LDAH: variants seen among roughly 807,000 people sequenced by gnomAD.
The protein encoded by LDAH is lipid droplet associated hydrolase.
In LDAH, 26 loss-of-function variants were observed where a neutral mutation model predicts 29.6. The ratio of observed to expected loss-of-function variants is 0.88; its 90% confidence interval spans 0.64 to 1.22. The LOEUF is 1.22. Ranked by LOEUF, LDAH falls within the 50% of genes most tolerant of loss-of-function variation. The probability of loss-of-function intolerance (pLI) is 0.00; values close to 1 mark genes in which losing one functional copy is unlikely to be tolerated. For synonymous variants in LDAH, 117 were observed against 133.0 expected (o/e 0.88, Z 0.83); for missense variants, 344 against 387.3 (o/e 0.89, Z 0.94).
At chr2:20,808,103 C>G (rs1231726958) in intron 1 of LDAH, among the ~76,000 whole-genome samples, 1 of 152,014 alleles carries the variant, frequency 6.6e-6, no homozygotes, top group African/African-American at 2.4e-5. Flanking sequence ...TCAAAAAAAT[C>G]AAATACTTAG....
intron 6 of LDAH, among the ~76,000 whole-genome samples, chr2:20,692,668 A>C (rs534413492): frequency 1.2e-4 from 19 of 152,322 alleles, no homozygotes; most frequent in African/African-American, 4.1e-4. Flanking sequence ...TTTAAATCAT[A>C]ATTCACCACG....
At chr2:20,778,855 T>C (rs79800183) in intron 3 of LDAH, among the ~76,000 whole-genome samples, 2,290 of 152,262 alleles carry the variant, frequency 0.015, 31 homozygotes, top group Middle Eastern at 0.054. Flanking sequence ...TATAAATGTA[T>C]ACATTTAACT....
At position 20,733,814 on chromosome 2, in the gene LDAH, C is replaced by T. The variant is rs151318825; in HGVS notation, c.703+6157G>A. Among the ~76,000 whole-genome samples the T allele has an allele frequency of 1.8e-4, 28 of 152,248 alleles. 1 individual carries two copies. In the East Asian group the frequency reaches 5.2e-3, roughly 28 times the overall value. ...TCAGACTCCCAAAGTGCTAGGATTA[C>T]AGTTGTGAGCTATAGTTTTATTAAT... On this transcript the variant is annotated intron_variant, in intron 5 of 6. Transcript: ENST00000237822.
chr2:20,797,827 A>G (rs555690066), intron 2 of LDAH, among the ~76,000 whole-genome samples: 33 of 151,874 alleles, frequency 2.2e-4, no homozygotes, highest in African/African-American at 8.0e-4. Context: ...TGAGACTACA[A>G]AAAAGAAAAG....
intron 2 of LDAH, among the ~76,000 whole-genome samples, chr2:20,791,561 T>C (rs1670951496): frequency 6.6e-6 from 1 of 152,246 alleles, no homozygotes; most frequent in African/African-American, 2.4e-5. Flanking sequence ...CTTTTTGTGA[T>C]GGTGCTTTTG....
At chr2:20,768,289 C>T (rs1045241473) in intron 4 of LDAH, among the ~76,000 whole-genome samples, 1 of 152,196 alleles carries the variant, frequency 6.6e-6, no homozygotes, top group African/African-American at 2.4e-5. Flanking sequence ...GACCTGGGAG[C>T]TCCCTGAGCC....
At chr2:20,815,111 C>A in intron 1 of LDAH, among the ~76,000 whole-genome samples, 1 of 151,684 alleles carries the variant, frequency 6.6e-6, no homozygotes. Context: ...AAGTAAGAAC[C>A]AAAAATAATT....
chr2:20,683,871 A>G (rs1662383973), downstream of LDAH: 1 of 147,528 alleles, frequency 6.8e-6, no homozygotes, highest in Non-Finnish European at 1.5e-5. Flanking sequence ...AAAAAAAATG[A>G]GGAGCTGGGG....
intron 3 of LDAH, 87 bp downstream of exon 3, chr2:20,790,168 C>T (rs1670846272): frequency 1.4e-6 from 2 of 1,383,844 alleles, no homozygotes; most frequent in South Asian, 2.9e-5. Context: ...GAGGTTTCCA[C>T]TGGTGTAACT....
chr2:20,749,531 G>A (rs1667810013), intron 4 of LDAH, among the ~76,000 whole-genome samples: 1 of 152,174 alleles, frequency 6.6e-6, no homozygotes. Context: ...ATAGCCAGAG[G>A]CATGTATAGG....
At chr2:20,696,801 G>A (rs922422264) in intron 6 of LDAH, among the ~76,000 whole-genome samples, 5 of 152,090 alleles carry the variant, frequency 3.3e-5, no homozygotes, top group Admixed American at 6.5e-5. Context: ...CAGACAAACT[G>A]GGATTGGGGT....
chr2:20,718,031 TA>T (rs1378718225), intron 5 of LDAH, among the ~76,000 whole-genome samples: 3 of 151,972 alleles, frequency 2.0e-5, no homozygotes, highest in Non-Finnish European at 4.4e-5. Flanking sequence ...TAAAATATAA[TA>T]AAAATCAAAA....
intron 6 of LDAH, among the ~76,000 whole-genome samples, chr2:20,697,217 C>T (rs187589196): frequency 3.5e-4 from 53 of 152,310 alleles, no homozygotes; most frequent in Middle Eastern, 3.4e-3. Flanking sequence ...CCCATATTCC[C>T]TGTCTTATTA....
chr2:20,741,277 A>G (rs548782), intron 4 of LDAH, among the ~76,000 whole-genome samples: 87,153 of 151,966 alleles, frequency 0.57, 26,443 homozygotes, highest in South Asian at 0.79. Flanking sequence ...AATGAAGTTC[A>G]GCTTATCTGT....
intron 6 of LDAH, among the ~76,000 whole-genome samples, chr2:20,687,650 G>A (rs1456710585): frequency 1.3e-5 from 2 of 152,206 alleles, no homozygotes; most frequent in Non-Finnish European, 2.9e-5. Flanking sequence ...TGTTGATTCA[G>A]TGGGGAAGTG....
intron 4 of LDAH, among the ~76,000 whole-genome samples, chr2:20,765,438 C>T (rs540138558): frequency 2.6e-5 from 4 of 152,308 alleles, no homozygotes; most frequent in South Asian, 2.1e-4. Context: ...CTCTAGAAGC[C>T]TGAAGCCTTC....
chr2:20,777,508 TC>T (rs1446294267), intron 3 of LDAH, among the ~76,000 whole-genome samples: 1 of 152,164 alleles, frequency 6.6e-6, no homozygotes, highest in Non-Finnish European at 1.5e-5. Context: ...CACTGCAACC[TC>T]CGCCTCCCGG....
At chr2:20,700,586 A>G (rs531558670) in intron 6 of LDAH, among the ~76,000 whole-genome samples, 126 of 152,274 alleles carry the variant, frequency 8.3e-4, no homozygotes, top group Admixed American at 1.7e-3. Context: ...GCCACTCAGC[A>G]GGGATCATTT....
intron 6 of LDAH, among the ~76,000 whole-genome samples, chr2:20,689,485 T>C (rs1382701604): frequency 3.3e-5 from 5 of 152,196 alleles, no homozygotes; most frequent in African/African-American, 1.2e-4. Context: ...TGCTGCAACC[T>C]CACAACCAGT....
Sources: allele counts gnomAD v4.1 joint callset (sites outside exome capture counted in the v4.1 genomes callset), GRCh38; gene constraint gnomAD v4.1.1; transcripts MANE v1.5; gene names NCBI Gene and HGNC (gene_info 2026-07-23, HGNC 2026-07-21).